The following RGS6 variants were observed in gnomAD, a reference collection of about 807,000 sequenced individuals.
The protein encoded by RGS6 is regulator of G-protein signaling 6.
Under a neutral mutation model 78.5 loss-of-function variants are expected in RGS6, and 30 were observed. The observed-to-expected ratio is 0.38, with a 90% confidence interval of 0.29 to 0.52. The LOEUF is 0.52. Among genes scored for constraint, RGS6 ranks in the 20% least tolerant of loss-of-function variants. The pLI, the probability that RGS6 is intolerant of heterozygous loss-of-function variation, is 0.85. For synonymous variants in RGS6, 206 were observed against 206.0 expected (o/e 1.00, Z 0.00); for missense variants, 495 against 609.7 (o/e 0.81, Z 1.98).
intron 2 of RGS6, among the ~76,000 whole-genome samples, chr14:72,217,935 ATG>A (rs2045968329): frequency 6.6e-6 from 1 of 152,186 alleles, no homozygotes; most frequent in African/African-American, 2.4e-5. Flanking sequence ...CCACATACAT[ATG>A]TGTGTCAGGT....
At chr14:72,547,172 A>G in intron 17 of RGS6, 1 of 1,534,674 alleles carries the variant, frequency 6.5e-7, no homozygotes, top group South Asian at 1.2e-5. Flanking sequence ...AGCCTGCCTC[A>G]GTCCTGTCCG....
intron 2 of RGS6, among the ~76,000 whole-genome samples, chr14:72,146,468 A>G (rs1046510971): frequency 6.6e-6 from 1 of 152,200 alleles, no homozygotes; most frequent in African/African-American, 2.4e-5. Context: ...TCTAAATCAG[A>G]TATGTGTGAG....
chr14:72,134,486 T>C (rs2096396473), intron 2 of RGS6, among the ~76,000 whole-genome samples: 1 of 152,182 alleles, frequency 6.6e-6, no homozygotes, highest in Admixed American at 6.5e-5. Context: ...TTGTTTTATG[T>C]ACAGAAATAT....
the RGS6 span, among the ~76,000 whole-genome samples, chr14:71,917,945 G>T: frequency 1.3e-5 from 2 of 151,918 alleles, no homozygotes; most frequent in African/African-American, 4.8e-5. Flanking sequence ...AGGCCGAGAC[G>T]GGCGCATCAC....
intron 2 of RGS6, among the ~76,000 whole-genome samples, chr14:72,052,948 T>C (rs1358246811): frequency 8.5e-5 from 3 of 35,374 alleles, no homozygotes; most frequent in Non-Finnish European, 1.4e-4. Flanking sequence ...TTTCTTTCTT[T>C]CTTTCTTTCT....
chr14:72,106,819 T>G (rs1053092606), intron 2 of RGS6, among the ~76,000 whole-genome samples: 11 of 152,190 alleles, frequency 7.2e-5, no homozygotes, highest in Admixed American at 6.5e-4. Context: ...CATGGTGCAG[T>G]GTAACATGTT....
intron 2 of RGS6, among the ~76,000 whole-genome samples, chr14:72,071,472 A>T (rs554390064): frequency 6.6e-6 from 1 of 152,216 alleles, no homozygotes; most frequent in Non-Finnish European, 1.5e-5. Flanking sequence ...CTAGGTAATT[A>T]CAAATGGCTT....
At chr14:72,598,397 G>A in the RGS6 span, among the ~76,000 whole-genome samples, 1 of 152,242 alleles carries the variant, frequency 6.6e-6, no homozygotes, top group African/African-American at 2.4e-5. Flanking sequence ...CCATTCAAGA[G>A]GCTAATTTTG....
chr14:72,373,517 T>A (rs1379030152), intron 3 of RGS6, among the ~76,000 whole-genome samples: 1 of 152,180 alleles, frequency 6.6e-6, no homozygotes. Flanking sequence ...CATCTGTCCA[T>A]CCTGGGTAGT....
intron 2 of RGS6, among the ~76,000 whole-genome samples, chr14:72,199,599 A>G (rs1045243788): frequency 6.6e-6 from 1 of 152,248 alleles, no homozygotes; most frequent in Non-Finnish European, 1.5e-5. Context: ...CTGTCACTGC[A>G]TGAATTACTT....
chr14:72,551,479 G>A (rs1470221145), intron 17 of RGS6, among the ~76,000 whole-genome samples: 1 of 152,146 alleles, frequency 6.6e-6, no homozygotes. Flanking sequence ...CAACCACCTG[G>A]AGTTAAATGT....
chr14:72,162,293 G>A (rs2096863408), intron 2 of RGS6, among the ~76,000 whole-genome samples: 1 of 152,168 alleles, frequency 6.6e-6, no homozygotes, highest in Non-Finnish European at 1.5e-5. Flanking sequence ...CCTTTGCTGG[G>A]CTTCTTGGAG....
intron 3 of RGS6, among the ~76,000 whole-genome samples, chr14:72,411,295 C>A (rs570039374): frequency 2.6e-4 from 40 of 152,218 alleles, no homozygotes; most frequent in African/African-American, 6.7e-4. Context: ...TATCCCTTGT[C>A]AGTTGGATTC....
chr14:71,876,415 CTT>C, the RGS6 span, among the ~76,000 whole-genome samples: 1 of 136,924 alleles, frequency 7.3e-6, no homozygotes, highest in African/African-American at 2.8e-5. Context: ...TTCTTTGTCT[CTT>C]TTGATCTTTG....
the RGS6 span, among the ~76,000 whole-genome samples, chr14:71,910,053 G>T: frequency 6.6e-6 from 1 of 152,088 alleles, no homozygotes; most frequent in African/African-American, 2.4e-5. Flanking sequence ...AGCCAGGTGT[G>T]GTGGCACGCG....
chr14:72,184,482 C>T (rs975176476), intron 2 of RGS6, among the ~76,000 whole-genome samples: 1 of 151,668 alleles, frequency 6.6e-6, no homozygotes, highest in African/African-American at 2.4e-5. Flanking sequence ...AAAATGGTAT[C>T]TTTGTTGAGA....
intron 2 of RGS6, among the ~76,000 whole-genome samples, chr14:72,162,150 C>T (rs2096861544): frequency 6.6e-6 from 1 of 150,844 alleles, no homozygotes; most frequent in Non-Finnish European, 1.5e-5. Context: ...TGCTCATTTA[C>T]ATTAACTAGC....
intron 1 of RGS6, among the ~76,000 whole-genome samples, chr14:71,938,930 T>G (rs1046202806): frequency 7.2e-5 from 11 of 152,192 alleles, no homozygotes; most frequent in Non-Finnish European, 1.5e-4. Context: ...GTGATTCACC[T>G]ATGGGCGCCT....
At chr14:72,612,329 A>G in the RGS6 span, 5 of 430,930 alleles carry the variant, frequency 1.2e-5, no homozygotes, top group East Asian at 2.8e-4. Flanking sequence ...CTGCCTACCT[A>G]CCCCGCCTCT....
Sources: gnomAD v4.1 joint callset for allele counts (sites outside exome capture counted in the v4.1 genomes callset) on GRCh38, gnomAD v4.1.1 for gene constraint, MANE v1.5 for transcripts, NCBI Gene and HGNC (gene_info 2026-07-23, HGNC 2026-07-21) for gene names.